The following PPP2R2A variants were observed in gnomAD, a reference collection of about 807,000 sequenced individuals.
PPP2R2A encodes serine/threonine-protein phosphatase 2A 55 kDa regulatory subunit B alpha isoform.
In PPP2R2A, 9 loss-of-function variants were observed where a neutral mutation model predicts 53.2. The ratio of observed to expected loss-of-function variants is 0.17; its 90% CI spans 0.10 to 0.30. The LOEUF is 0.30. PPP2R2A is among the 10% of genes least tolerant of loss of function. PPP2R2A has a pLI of 1.00. For missense variants in PPP2R2A, 235 were observed against 534.6 expected, an observed-to-expected ratio of 0.44 and a Z score of 5.53; for synonymous variants, 169 against 174.2, an observed-to-expected ratio of 0.97 and a Z score of 0.23.
intron 2 of PPP2R2A, among the ~76,000 whole-genome samples, chr8:26,304,096 A>C (rs1448300648): frequency 6.6e-6 from 1 of 152,222 alleles, no homozygotes; most frequent in Non-Finnish European, 1.5e-5. Flanking sequence ...ACACTTACTG[A>C]AACTTCTGTG....
At chr8:26,297,593 A>T (rs1034617187) in intron 2 of PPP2R2A, among the ~76,000 whole-genome samples, 1 of 152,200 alleles carries the variant, frequency 6.6e-6, no homozygotes, top group Non-Finnish European at 1.5e-5. Flanking sequence ...GCTAGGCTAC[A>T]TGGTTTGAAT....
chr8:26,362,112 GA>G lies in PPP2R2A; in HGVS notation c.638-567del, dbSNP rs1468873952. Among the ~76,000 whole-genome samples the G allele has an allele frequency of 1.3e-5, 2 of 150,870 alleles. No homozygotes were observed. The highest frequency in any genetic ancestry group is 3.0e-5 in the Non-Finnish European group (2 of 67,794). On this transcript the variant is annotated intron_variant, in intron 6 of 9. Transcript: ENST00000380737. The surrounding 1 kb of genome is among the most constrained non-coding windows in gnomAD (Gnocchi z 4.4). ...ATTAGATTAGATTAGAAAAAGATTA[GA>G]AAAAGAAAGATTAAAGATTACGATT...
In PPP2R2A at chr8:26,298,528, G is replaced by A. The variant is rs1271634450; in HGVS notation, c.82+4788G>A. On this transcript the variant is annotated intron_variant, in intron 2 of 9. Transcript: ENST00000380737. Reference sequence around the variant, plus strand: ...ATCACACACTATGATTAAATTGGACGTCAGTGCTTAAATTGTTATGACCAC... The same window carrying A: ...ATCACACACTATGATTAAATTGGACATCAGTGCTTAAATTGTTATGACCAC... The A allele has an allele frequency of 2.0e-5, 3 of 152,210 alleles. No individual in the cohort carries two copies. In the East Asian group the frequency reaches 5.8e-4, roughly 29 times the overall value. 9.4% of individuals were successfully genotyped at this position (152,210 alleles called of 1,614,324 possible). A position where few individuals can be genotyped will look rare whatever the true frequency, so the allele number is the denominator to read the frequency against.
intron 2 of PPP2R2A, among the ~76,000 whole-genome samples, chr8:26,320,714 T>C (rs914764435): frequency 2.6e-5 from 4 of 152,220 alleles, no homozygotes; most frequent in African/African-American, 9.6e-5. Flanking sequence ...TTTGTGATGT[T>C]TTAAACGGAA....
rs953717199 is a variant in PPP2R2A, at chr8:26,321,970, T to G, written c.83-16920T>G. Among the ~76,000 whole-genome samples, 16 of 152,296 alleles carry G rather than the reference T, an allele frequency of 1.1e-4. No homozygotes were observed. Among genetic ancestry groups the G allele is most frequent in the African/African-American group, 3.4e-4 (14 of 41,556 alleles). ...ACCCAACACAGTACCCAATATTACATAAACACAGGCCCTTTTCTTTAAAGA... is the reference window on the plus strand; with the variant it reads ...ACCCAACACAGTACCCAATATTACAGAAACACAGGCCCTTTTCTTTAAAGA... On this transcript the variant is annotated intron_variant, in intron 2 of 9. Coordinates refer to ENST00000380737, the MANE Select transcript of PPP2R2A (RefSeq NM_002717.4). The surrounding 1 kb of genome is among the most constrained non-coding windows in gnomAD (Gnocchi z 4.1).
chr8:26,324,034 C>T (rs929054937), intron 2 of PPP2R2A, among the ~76,000 whole-genome samples: 1 of 152,246 alleles, frequency 6.6e-6, no homozygotes, highest in African/African-American at 2.4e-5. Flanking sequence ...CCTACAAGGC[C>T]ATTGCCACCA....
At chr8:26,343,944 C>G (rs1239292829) in intron 3 of PPP2R2A, among the ~76,000 whole-genome samples, 1 of 152,088 alleles carries the variant, frequency 6.6e-6, no homozygotes, top group African/African-American at 2.4e-5. Flanking sequence ...CTTATAAAAT[C>G]CCTGGGTTCT....
At chr8:26,318,999 A>G (rs1024641101) in intron 2 of PPP2R2A, among the ~76,000 whole-genome samples, 4 of 152,178 alleles carry the variant, frequency 2.6e-5, no homozygotes, top group Non-Finnish European at 5.9e-5. Context: ...CTTTATACCC[A>G]TTAAAACATT....
At chr8:26,341,724 G>A (rs1244780484) in intron 3 of PPP2R2A, among the ~76,000 whole-genome samples, 1 of 152,104 alleles carries the variant, frequency 6.6e-6, no homozygotes, top group Non-Finnish European at 1.5e-5. Context: ...ATCTATTGTG[G>A]CTTTATTCTC....
At chr8:26,342,137 C>A (rs1026340768) in intron 3 of PPP2R2A, among the ~76,000 whole-genome samples, 1 of 152,158 alleles carries the variant, frequency 6.6e-6, no homozygotes, top group Non-Finnish European at 1.5e-5. Flanking sequence ...TTCTGCTACA[C>A]GGAATCTCTG....
intron 2 of PPP2R2A, among the ~76,000 whole-genome samples, chr8:26,296,599 C>T (rs1801549071): frequency 6.6e-6 from 1 of 152,224 alleles, no homozygotes; most frequent in Admixed American, 6.5e-5. Flanking sequence ...TACCCCACAT[C>T]TCTACTGTTA....
chr8:26,326,677 A>T (rs1428174811), intron 2 of PPP2R2A, among the ~76,000 whole-genome samples: 1 of 152,216 alleles, frequency 6.6e-6, no homozygotes, highest in Non-Finnish European at 1.5e-5. Flanking sequence ...TTCATACTGT[A>T]CTACTTGTTT....
chr8:26,324,407 C>T (rs1352850962), intron 2 of PPP2R2A, among the ~76,000 whole-genome samples: 1 of 152,140 alleles, frequency 6.6e-6, no homozygotes, highest in Non-Finnish European at 1.5e-5. Flanking sequence ...ACTCTTGTAC[C>T]TAGAAATAGT....
intron 2 of PPP2R2A, among the ~76,000 whole-genome samples, chr8:26,333,069 G>A (rs1194225493): frequency 1.3e-5 from 2 of 152,214 alleles, no homozygotes; most frequent in African/African-American, 2.4e-5. Flanking sequence ...TTAGCACAAT[G>A]TTTGGCACAT....
Position 26,353,319 on chromosome 8 carries a change from A to G in PPP2R2A, c.181-1149A>G, listed in dbSNP as rs17055153. On this transcript the variant is annotated intron_variant, in intron 3 of 9. Coordinates refer to ENST00000380737, the MANE Select transcript of PPP2R2A (RefSeq NM_002717.4). ...TCTAATAACTGATAACTGCTGTCCA[A>G]GGGTTCAAATACAACCATCCATGAA... Among the ~76,000 whole-genome samples the G allele has an allele frequency of 6.6e-5, 10 of 152,186 alleles. 1 individual carries two copies. The South Asian group carries it at 2.1e-3, about 32-fold the overall frequency.
At chr8:26,302,273 A>C (rs531315171) in intron 2 of PPP2R2A, among the ~76,000 whole-genome samples, 17 of 152,352 alleles carry the variant, frequency 1.1e-4, no homozygotes, top group African/African-American at 3.6e-4. Context: ...TGAGCTTTCA[A>C]GCAAAAATTA....
intron 3 of PPP2R2A, among the ~76,000 whole-genome samples, chr8:26,347,973 T>C (rs1804304601): frequency 6.6e-6 from 1 of 152,216 alleles, no homozygotes; most frequent in African/African-American, 2.4e-5. Context: ...CTGAATGTGT[T>C]GAGAGTAGTT....
Position 26,291,662 on chromosome 8 carries a change from G to T in PPP2R2A, c.-158G>T. The T allele has an allele frequency of 3.2e-6, 2 of 628,544 alleles. No homozygotes were observed. Among genetic ancestry groups the T allele is most frequent in the South Asian group, 2.0e-5 (1 of 49,484 alleles). 38.9% of individuals were successfully genotyped at this position (628,544 alleles called of 1,614,324 possible). On this transcript the variant is annotated 5_prime_UTR_variant, in exon 1 of 10. Transcript: ENST00000380737. ...TAGCATCCTGCCGGCTGGTCTGCCC[G>T]CCCCTCCTTCCTTTTCCCCCCGGCC...
In PPP2R2A at chr8:26,360,309, G is replaced by T; in HGVS notation, c.459+28G>T. ...AAGTACATAAGAAAAAAATGTCACA[G>T]ATAGTGCTTGTATTCATATTATATA... On this transcript the variant is annotated intron_variant, in intron 5 of 9. Coordinates refer to ENST00000380737, the MANE Select transcript of PPP2R2A (RefSeq NM_002717.4). The surrounding 1 kb of genome is among the most constrained non-coding windows in gnomAD (Gnocchi z 4.5). The T allele has an allele frequency of 7.3e-7, 1 of 1,369,200 alleles. No homozygotes were observed. The highest frequency in any genetic ancestry group is 1.4e-5 in the African/African-American group (1 of 69,044). The allele number at this position is 1,369,200 out of a possible 1,614,324, so 84.8% of individuals were successfully genotyped here.
Sources: allele counts gnomAD v4.1 joint callset (sites outside exome capture counted in the v4.1 genomes callset), GRCh38; gene constraint gnomAD v4.1.1; non-coding constraint Gnocchi (gnomAD v3.1); transcripts MANE v1.5; gene names NCBI Gene and HGNC (gene_info 2026-07-23, HGNC 2026-07-21).